The following ZMYM2 variants were observed in gnomAD, a reference collection of about 807,000 sequenced individuals.
The protein encoded by ZMYM2 is zinc finger MYM-type containing 2, also known as zinc finger MYM-type protein 2.
Under a neutral mutation model 162.8 loss-of-function variants are expected in ZMYM2, and 56 were observed. That is an observed-to-expected ratio of 0.34 (90% CI 0.28 to 0.43). ZMYM2 has a LOEUF of 0.43. Ranked by LOEUF, ZMYM2 falls within the 20% of genes least tolerant of loss-of-function variation. ZMYM2 has a pLI of 1.00. For missense variants in ZMYM2, 1,275 were observed against 1,621.8 expected (o/e 0.79, Z 3.67); for synonymous variants, 510 against 541.6 (o/e 0.94, Z 0.81).
chr13:20,048,803 TG>T (rs528942001), intron 12 of ZMYM2, among the ~76,000 whole-genome samples: 12 of 50,040 alleles, frequency 2.4e-4, no homozygotes, highest in Admixed American at 1.2e-3. Flanking sequence ...ACCTGTGACT[TG>T]TTTTTTTTTT....
At chr13:20,067,634 G>A (rs371670472) in intron 21 of ZMYM2, among the ~76,000 whole-genome samples, 145 of 152,298 alleles carry the variant, frequency 9.5e-4, no homozygotes, top group African/African-American at 3.1e-3. Context: ...GATCCATGCT[G>A]ATCTACATGT....
At chr13:20,084,403 T>C (rs957223313) in intron 24 of ZMYM2, among the ~76,000 whole-genome samples, 2 of 152,220 alleles carry the variant, frequency 1.3e-5, no homozygotes, top group Admixed American at 1.3e-4. Context: ...TTTTAGGCTT[T>C]TGGGCCTATG....
intron 2 of ZMYM2, among the ~76,000 whole-genome samples, chr13:19,968,745 G>C (rs776139240): frequency 1.4e-4 from 21 of 152,148 alleles, no homozygotes; most frequent in Non-Finnish European, 2.6e-4. Flanking sequence ...TGATGACATT[G>C]CTCATTTTGC....
chr13:20,029,013 CT>C (rs1044123589), intron 9 of ZMYM2, among the ~76,000 whole-genome samples: 1 of 152,116 alleles, frequency 6.6e-6, no homozygotes, highest in African/African-American at 2.4e-5. Context: ...ATATTTTGAA[CT>C]TTATATCTTC....
intron 6 of ZMYM2, among the ~76,000 whole-genome samples, chr13:20,013,058 T>G (rs954941268): frequency 3.3e-5 from 5 of 152,238 alleles, no homozygotes; most frequent in African/African-American, 1.2e-4. Flanking sequence ...TATTGACATC[T>G]TAGCAATAGT....
chr13:19,980,336 G>T, intron 2 of ZMYM2, among the ~76,000 whole-genome samples: 1 of 151,664 alleles, frequency 6.6e-6, no homozygotes, highest in African/African-American at 2.4e-5. Context: ...TTGATATATT[G>T]GGTCTGTTTC....
intron 6 of ZMYM2, among the ~76,000 whole-genome samples, chr13:20,013,851 C>T (rs1450155780): frequency 6.6e-6 from 1 of 151,964 alleles, no homozygotes; most frequent in Non-Finnish European, 1.5e-5. Context: ...AGGATCTTTG[C>T]ATCTATATTC....
At chr13:19,885,641 A>C in the ZMYM2 span, among the ~76,000 whole-genome samples, 1 of 152,030 alleles carries the variant, frequency 6.6e-6, no homozygotes, top group African/African-American at 2.4e-5. Flanking sequence ...GGAGTTCGAA[A>C]GAGTCCTGGT....
the ZMYM2 span, among the ~76,000 whole-genome samples, chr13:19,942,698 A>G: frequency 1.3e-5 from 2 of 152,004 alleles, no homozygotes; most frequent in Admixed American, 6.6e-5. Flanking sequence ...CTACAGGGAG[A>G]GATCTTGTCT....
the ZMYM2 span, among the ~76,000 whole-genome samples, chr13:19,950,641 C>G: frequency 2.6e-5 from 4 of 152,324 alleles, no homozygotes; most frequent in South Asian, 4.1e-4. Context: ...GCTGCAAAGT[C>G]GTTCTGAACC....
chr13:19,913,191 GA>G, the ZMYM2 span, among the ~76,000 whole-genome samples: 13 of 152,112 alleles, frequency 8.5e-5, no homozygotes, highest in African/African-American at 2.7e-4. Flanking sequence ...GATTTTGAAG[GA>G]AAGCTCTGCC....
At chr13:20,034,609 C>A (rs1953510687) in intron 11 of ZMYM2, among the ~76,000 whole-genome samples, 1 of 152,080 alleles carries the variant, frequency 6.6e-6, no homozygotes, top group Non-Finnish European at 1.5e-5. Context: ...ATTTGGTAAC[C>A]TCTTATTTCA....
chr13:19,917,179 G>A, the ZMYM2 span, among the ~76,000 whole-genome samples: 37 of 152,082 alleles, frequency 2.4e-4, no homozygotes, highest in Admixed American at 8.5e-4. Flanking sequence ...AGCCAGGATG[G>A]TCTCAATCTC....
intron 2 of ZMYM2, among the ~76,000 whole-genome samples, chr13:19,976,016 C>T (rs889354561): frequency 1.3e-5 from 2 of 151,978 alleles, no homozygotes; most frequent in African/African-American, 2.4e-5. Context: ...AGCACCACCA[C>T]GCCTGACCTC....
chr13:19,957,986 C>T (rs1241165554), upstream of ZMYM2, among the ~76,000 whole-genome samples: 2 of 152,246 alleles, frequency 1.3e-5, no homozygotes, highest in African/African-American at 4.8e-5. Context: ...AGTTTCCCGG[C>T]CCCACGGGGT....
the ZMYM2 span, among the ~76,000 whole-genome samples, chr13:19,914,267 G>C: frequency 1.3e-5 from 2 of 152,346 alleles, no homozygotes; most frequent in African/African-American, 4.8e-5. Context: ...TCCCAGCAGA[G>C]GAGTATTTTA....
intron 12 of ZMYM2, among the ~76,000 whole-genome samples, chr13:20,043,805 G>A (rs1954508064): frequency 1.3e-5 from 2 of 152,096 alleles, no homozygotes; most frequent in Admixed American, 1.3e-4. Flanking sequence ...CCTGCACATG[G>A]CAAAGGGATG....
the ZMYM2 span, among the ~76,000 whole-genome samples, chr13:19,895,516 G>C: frequency 1.3e-5 from 2 of 151,942 alleles, no homozygotes; most frequent in East Asian, 1.9e-4. Context: ...GTGTCTCAAG[G>C]TGATGCAGGG....
intron 4 of ZMYM2, 144 bp downstream of exon 4, chr13:20,003,279 A>T: frequency 1.0e-6 from 1 of 956,556 alleles, no homozygotes; most frequent in Non-Finnish European, 1.5e-6. Flanking sequence ...TCCTGTTTGG[A>T]TGGCATTGGA....
Sources: allele counts gnomAD v4.1 joint callset (sites outside exome capture counted in the v4.1 genomes callset), GRCh38; gene constraint gnomAD v4.1.1; transcripts MANE v1.5; gene names NCBI Gene and HGNC (gene_info 2026-07-23, HGNC 2026-07-21).